The following GLYATL1 variants were observed in gnomAD, a reference collection of about 807,000 sequenced individuals.
GLYATL1 encodes glycine-N-acyltransferase like 1.
Under a neutral mutation model 20.0 loss-of-function variants are expected in GLYATL1, and 15 were observed. That is an observed-to-expected ratio of 0.75 (90% CI 0.50 to 1.15). The LOEUF (loss-of-function observed/expected upper bound fraction) is 1.15. Among genes scored for constraint, GLYATL1 ranks in the 50% most tolerant of loss-of-function variants. The probability of loss-of-function intolerance (pLI) is 0.00; values close to 1 mark genes in which losing one functional copy is unlikely to be tolerated. For synonymous variants in GLYATL1, 151 were observed against 131.5 expected (o/e 1.15, Z -1.01); for missense variants, 380 against 368.5 (o/e 1.03, Z -0.26).
At chr11:58,927,887 CG>C (rs1855469479) in intron 1 of GLYATL1, 1 of 152,188 alleles carries the variant, frequency 6.6e-6, no homozygotes, top group Non-Finnish European at 1.5e-5. Context: ...CCAGGGAAGA[CG>C]AGGTGATAAG....
At position 58,947,966 on chromosome 11, in the gene GLYATL1, G is replaced by A; in HGVS notation, c.186+1G>A. The A allele has an allele frequency of 2.5e-6, 4 of 1,607,588 alleles. No individual in the cohort carries two copies. The highest frequency in any genetic ancestry group is 3.4e-6 in the Non-Finnish European group (4 of 1,174,202). On this transcript the variant is annotated splice_donor_variant, in intron 4 of 6. Transcript: ENST00000532726. LOFTEE classifies it high-confidence loss of function. ...GGTTATTATCCGGCCTCAAAAGCAG[G>A]TAGGCACACAGACAGGGACTGGTGG...
intron 4 of GLYATL1, among the ~76,000 whole-genome samples, chr11:58,951,364 A>G (rs1199643766): frequency 6.6e-6 from 1 of 152,038 alleles, no homozygotes; most frequent in Non-Finnish European, 1.5e-5. Flanking sequence ...ATATTTTTGT[A>G]TCTGTTTCTG....
At chr11:58,920,156 T>C (rs2135112284) in intron 1 of GLYATL1, among the ~76,000 whole-genome samples, 1 of 152,296 alleles carries the variant, frequency 6.6e-6, no homozygotes, top group South Asian at 2.1e-4. Context: ...CTAGTGTTCC[T>C]GATTTTTGGT....
chr11:58,919,842 T>C (rs1015283185), intron 1 of GLYATL1, among the ~76,000 whole-genome samples: 1 of 152,188 alleles, frequency 6.6e-6, no homozygotes, highest in Non-Finnish European at 1.5e-5. Context: ...CATAGAAATG[T>C]CATCCTAGCA....
In GLYATL1 at chr11:58,955,851, G is replaced by A. The variant is rs1033063585; in HGVS notation, c.733G>A (p.Ala245Thr). ...MEKYRRTGNM[A>T]RVMVRYMKYL... ...AAAATACCGAAGGACAGGCAACATG[G>A]CACGAGTGATGGTGCGATACATGAA... The change falls in exon 7 of 7, where the codon GCA (alanine) becomes ACA (threonine). Residue 245 changes from alanine to threonine, a missense_variant. Coordinates refer to ENST00000532726, the MANE Select transcript of GLYATL1 (RefSeq NM_001389712.2). 2 of 1,614,100 alleles carry A rather than the reference G, an allele frequency of 1.2e-6. No individual in the cohort carries two copies. Among genetic ancestry groups the A allele is most frequent in the Non-Finnish European group, 1.7e-6 (2 of 1,180,052 alleles).
chr11:58,946,256 A>C (rs997198345), intron 2 of GLYATL1, among the ~76,000 whole-genome samples: 13 of 152,332 alleles, frequency 8.5e-5, no homozygotes, highest in Middle Eastern at 3.4e-3. Flanking sequence ...TACATATTAC[A>C]TTGTGTAATC....
intron 2 of GLYATL1, chr11:58,946,749 CT>C (rs751304171): frequency 2.6e-4 from 111 of 424,170 alleles, no homozygotes; most frequent in Non-Finnish European, 3.6e-4. Context: ...GTGGAGTGTT[CT>C]GTTACAGGCA....
intron 1 of GLYATL1, among the ~76,000 whole-genome samples, chr11:58,914,675 A>T (rs1250388442): frequency 1.3e-5 from 2 of 152,088 alleles, no homozygotes; most frequent in African/African-American, 4.8e-5. Flanking sequence ...AGGTGATAGG[A>T]TTAACTCCCT....
At chr11:58,926,723 A>C (rs955461180), upstream of GLYATL1, among the ~76,000 whole-genome samples, 1 of 152,262 alleles carries the variant, frequency 6.6e-6, no homozygotes, top group Admixed American at 6.5e-5. Flanking sequence ...TTAATCATTA[A>C]GATGGCAAGC....
intron 1 of GLYATL1, among the ~76,000 whole-genome samples, chr11:58,920,417 G>A (rs1433485613): frequency 2.0e-5 from 3 of 152,150 alleles, no homozygotes; most frequent in Non-Finnish European, 4.4e-5. Context: ...TCTGCCTTCT[G>A]AGCAGAAGTT....
chr11:58,947,251 A>C (rs1856636623), intron 3 of GLYATL1, 86 bp downstream of exon 3: 1 of 1,510,324 alleles, frequency 6.6e-7, no homozygotes, highest in Non-Finnish European at 8.8e-7. Flanking sequence ...GTCCTTCCTG[A>C]CTGTTTGCAG....
chr11:58,931,223 C>T (rs1039261026), intron 1 of GLYATL1, among the ~76,000 whole-genome samples: 1 of 152,130 alleles, frequency 6.6e-6, no homozygotes. Flanking sequence ...TGGGTCTTTG[C>T]GTCATCTTCC....
In GLYATL1 at chr11:58,916,296, T is replaced by C. The variant is rs140639698; in HGVS notation, n.264+10635T>C. On this transcript the variant is annotated intron_variant and non_coding_transcript_variant, in intron 1 of 2. Coordinates refer to the GLYATL1 transcript ENST00000534674. ...TACATTTGTTTGACATGTTTGCTTC[T>C]CTGATAGCTTCTGAGGAGATTAGGA... Among the ~76,000 whole-genome samples the C allele has an allele frequency of 1.2e-3, 181 of 152,336 alleles. 2 individuals are homozygous for C. The highest frequency in any genetic ancestry group is 4.1e-3 in the African/African-American group (169 of 41,560).
chr11:58,907,797 A>T, exon 2 of GLYATL1: 1 of 181,834 alleles, frequency 5.5e-6, no homozygotes, highest in Non-Finnish European at 1.2e-5. Flanking sequence ...CATGGAAACC[A>T]TTTCATACTT....
At chr11:58,929,557 C>T (rs1040689469) in intron 1 of GLYATL1, among the ~76,000 whole-genome samples, 7 of 152,116 alleles carry the variant, frequency 4.6e-5, no homozygotes, top group Admixed American at 1.3e-4. Flanking sequence ...ATTGCTGAGC[C>T]AAACTTCTTT....
At chr11:58,947,349 T>A in intron 3 of GLYATL1, 184 bp downstream of exon 3, 1 of 789,780 alleles carries the variant, frequency 1.3e-6, no homozygotes, top group Non-Finnish European at 1.9e-6. Flanking sequence ...GGCAGCTAGG[T>A]CCACTCTGCA....
intron 1 of GLYATL1, among the ~76,000 whole-genome samples, chr11:58,919,945 T>C (rs796817232): frequency 1.3e-5 from 2 of 152,286 alleles, no homozygotes; most frequent in African/African-American, 4.8e-5. Flanking sequence ...TAGCTTCCCA[T>C]CAAAGGTTTT....
intron 3 of GLYATL1, 169 bp from the exon 4 acceptor site, chr11:58,947,689 A>G (rs1856672781): frequency 1.7e-6 from 1 of 586,486 alleles, no homozygotes; most frequent in African/African-American, 1.9e-5. Flanking sequence ...CTTGCTGGTA[A>G]CTTCACGTCC....
chr11:58,947,446 G>C, intron 3 of GLYATL1: 1 of 497,412 alleles, frequency 2.0e-6, no homozygotes, highest in East Asian at 3.3e-5. Context: ...GCATTCCAAG[G>C]CTGCCATTTT....
Sources: gnomAD v4.1 joint callset for allele counts (sites outside exome capture counted in the v4.1 genomes callset) on GRCh38, gnomAD v4.1.1 for gene constraint, MANE v1.5 for transcripts, NCBI Gene and HGNC (gene_info 2026-07-23, HGNC 2026-07-21) for gene names.